CNNM1: variants seen among roughly 807,000 people sequenced by gnomAD.
CNNM1 encodes metal transporter CNNM1.
CNNM1 carries 44 observed loss-of-function variants against 78.8 expected under a neutral mutation model. The ratio of observed to expected loss-of-function variants is 0.56; its 90% CI spans 0.44 to 0.72. CNNM1 has a LOEUF of 0.72. Among genes scored for constraint, CNNM1 ranks in the 30% least tolerant of loss-of-function variants. The probability of loss-of-function intolerance (pLI) is 0.00; values close to 1 mark genes in which losing one functional copy is unlikely to be tolerated. For missense variants in CNNM1, 1,101 were observed against 1,292.2 expected (o/e 0.85, Z 2.27); for synonymous variants, 584 against 581.5 (o/e 1.00, Z -0.06).
chr10:99,329,869 A>C lies in CNNM1; in HGVS notation c.482A>C (p.Gln161Pro). Residue 161 changes from glutamine to proline, a missense_variant, in exon 1 of 11, where the codon CAG becomes CCG. Physicochemically the swap from Gln to Pro is moderately conservative, Grantham distance 76. Transcript: ENST00000356713. ...GGCGTGGCAGGCTCGGCCCTGGTCC[A>C]GGTGCGAGTGCGGGAGCTGCGCAAG... Reference protein sequence around the residue: ...PGGVAGSALVQVRVRELRKGE... With the variant: ...PGGVAGSALVPVRVRELRKGE... 7.1e-7 allele frequency: 1 copy of C among 1,400,018 alleles called. No homozygotes were observed. The highest frequency in any genetic ancestry group is 9.2e-7 in the Non-Finnish European group (1 of 1,084,782). The allele number at this position is 1,400,018 out of a possible 1,614,324, so 86.7% of individuals were successfully genotyped here.
intron 6 of CNNM1, among the ~76,000 whole-genome samples, chr10:99,376,150 A>G (rs766222802): frequency 6.6e-6 from 1 of 152,138 alleles, no homozygotes; most frequent in Non-Finnish European, 1.5e-5. Flanking sequence ...GTCCATCTAT[A>G]TGGGGCAAAG....
chr10:99,338,156 C>T (rs1359744126), intron 1 of CNNM1, among the ~76,000 whole-genome samples: 1 of 152,104 alleles, frequency 6.6e-6, no homozygotes, highest in Non-Finnish European at 1.5e-5. Flanking sequence ...CTTGAATTTA[C>T]AAGTCATGTC....
intron 6 of CNNM1, among the ~76,000 whole-genome samples, chr10:99,376,105 A>G (rs773176177): frequency 1.3e-5 from 2 of 152,190 alleles, no homozygotes; most frequent in Admixed American, 6.5e-5. Context: ...GACGGGGCCC[A>G]GCCCTAGACC....
rs201934146 is a variant in CNNM1, at chr10:99,365,041, G to A, written c.2176+39G>A. On this transcript the variant is annotated intron_variant, in intron 6 of 10. Transcript: ENST00000356713. The stretch of plus-strand genomic sequence containing the variant: ...AAACCCCTTCCTCGTCCTCCCCATC[G>A]TAGTCCTGCCTCAGCCCGCTCTGGG... 1,143 of 1,610,356 alleles carry A rather than the reference G, an allele frequency of 7.1e-4. 1 individual carries two copies. Among genetic ancestry groups the A allele is most frequent in the Admixed American group, 1.1e-3 (67 of 59,922 alleles).
intron 1 of CNNM1, among the ~76,000 whole-genome samples, chr10:99,331,968 C>T (rs1413530745): frequency 1.3e-5 from 2 of 152,200 alleles, no homozygotes; most frequent in African/African-American, 2.4e-5. Context: ...ATGTTTACTT[C>T]ATGTCTGAGT....
At chr10:99,379,300 A>G (rs2032067932) in intron 7 of CNNM1, among the ~76,000 whole-genome samples, 1 of 152,256 alleles carries the variant, frequency 6.6e-6, no homozygotes, top group Non-Finnish European at 1.5e-5. Context: ...ACAACCACAT[A>G]CATAACCTAG....
chr10:99,361,110 G>T, intron 3 of CNNM1, 135 bp downstream of exon 3: 1 of 1,015,818 alleles, frequency 9.8e-7, no homozygotes, highest in South Asian at 2.1e-5. Context: ...TAGGAAGGAG[G>T]TTGCCTTAGA....
At chr10:99,355,059 A>C (rs533156504) in intron 1 of CNNM1, among the ~76,000 whole-genome samples, 18 of 152,188 alleles carry the variant, frequency 1.2e-4, no homozygotes, top group Non-Finnish European at 2.5e-4. Context: ...TAGCTATCTT[A>C]TGATTTCAGA....
chr10:99,388,381 T>G, intron 9 of CNNM1, 80 bp downstream of exon 9: 1 of 1,510,190 alleles, frequency 6.6e-7, no homozygotes. Flanking sequence ...GAAAGCTGGC[T>G]GAGGGGAGCC....
intron 9 of CNNM1, 40 bp from the exon 10 acceptor site, chr10:99,390,266 T>C: frequency 7.0e-7 from 1 of 1,425,674 alleles, no homozygotes; most frequent in Non-Finnish European, 9.8e-7. Flanking sequence ...CCTGAGTGTG[T>C]AGGTTGAGAC....
chr10:99,357,428 C>G, intron 1 of CNNM1, 84 bp from the exon 2 acceptor site: 2 of 1,422,266 alleles, frequency 1.4e-6, no homozygotes, highest in Middle Eastern at 2.5e-4. Flanking sequence ...ATTGGTCAGA[C>G]AGCAACTTTG....
At position 99,357,630 on chromosome 10, in the gene CNNM1, G is replaced by T. The variant is rs372776463; in HGVS notation, c.1692G>T (p.Glu564Asp). 27 of 1,612,460 alleles carry T rather than the reference G, an allele frequency of 1.7e-5. No homozygotes were observed. The highest frequency in any genetic ancestry group is 2.1e-5 in the Non-Finnish European group (25 of 1,179,196). The change falls in exon 2 of 11, where the codon GAG becomes GAT. Residue 564 changes from glutamate (E) to aspartate (D), a missense_variant. Transcript: ENST00000356713. ...TCATAGAGGAGATTATCAAGTCGGAGATCCTGGATGAAACTGATCTCTACA... is the reference window on the plus strand; with the variant it reads ...TCATAGAGGAGATTATCAAGTCGGATATCCTGGATGAAACTGATCTCTACA... ...EDIIEEIIKS[E>D]ILDETDLYTD...
chr10:99,357,870 G>A (rs1413937372), intron 2 of CNNM1, among the ~76,000 whole-genome samples: 1 of 152,102 alleles, frequency 6.6e-6, no homozygotes, highest in Admixed American at 6.5e-5. Flanking sequence ...TTATCAGGAG[G>A]GAACCTTCAG....
In CNNM1 at chr10:99,391,435, A is replaced by G. The variant is rs1341951093; in HGVS notation, c.2777-2A>G. On this transcript the variant is annotated splice_acceptor_variant, in intron 10 of 10. Coordinates refer to ENST00000356713, the MANE Select transcript of CNNM1 (RefSeq NM_020348.3). LOFTEE classifies it high-confidence loss of function. Reference sequence around the variant, plus strand: ...CTGATACTTGCAACTTGTTTTTTTCAGGTGGCCAAAAAAGGAAGAGGTCAC... The same window carrying G: ...CTGATACTTGCAACTTGTTTTTTTCGGGTGGCCAAAAAAGGAAGAGGTCAC... 2 of 1,612,950 alleles carry G rather than the reference A, an allele frequency of 1.2e-6. No homozygotes were observed. Among genetic ancestry groups the G allele is most frequent in the South Asian group, 1.1e-5 (1 of 90,946 alleles).
At chr10:99,361,357 A>G (rs1339350534) in intron 3 of CNNM1, among the ~76,000 whole-genome samples, 1 of 152,242 alleles carries the variant, frequency 6.6e-6, no homozygotes, top group Non-Finnish European at 1.5e-5. Flanking sequence ...TTTAAAATAC[A>G]GAAGTGTATT....
chr10:99,356,138 G>A (rs2031134581), intron 1 of CNNM1, among the ~76,000 whole-genome samples: 2 of 152,160 alleles, frequency 1.3e-5, no homozygotes, highest in African/African-American at 4.8e-5. Context: ...CAGTGTCTGG[G>A]GCCACAGCTG....
rs142588795 is a variant in CNNM1 at position 99,348,040 on chromosome 10, A to G, written c.1574-9472A>G. 6.3e-4 allele frequency among the ~76,000 whole-genome samples: 43 copies of G among 68,136 alleles called. 1 individual carries two copies. Among genetic ancestry groups the G allele is most frequent in the East Asian group, 3.4e-3 (9 of 2,652 alleles). 44.7% of individuals were successfully genotyped at this position (68,136 alleles called of 152,430 possible). On this transcript the variant is annotated intron_variant, in intron 1 of 10. Coordinates refer to ENST00000356713, the MANE Select transcript of CNNM1 (RefSeq NM_020348.3). ...ATATGATGTGTGTGTGTGTGTGTGT[A>G]TATATATATATTTTTTTTTTTTGAG...
chr10:99,391,504 T>C lies in CNNM1; in HGVS notation c.2844T>C (p.Pro948=). The change falls in exon 11 of 11, where the codon CCT becomes CCC. Residue 948 remains proline (P), a synonymous_variant. Transcript: ENST00000356713. ...RTSEDNSNLT[P]LIT Reference sequence around the variant, plus strand: ...CTGAGGACAACTCCAATTTAACACCTCTGATCACATGACAGGGCAAAGCCA... The same window carrying C: ...CTGAGGACAACTCCAATTTAACACCCCTGATCACATGACAGGGCAAAGCCA... The C allele has an allele frequency of 1.2e-6, 2 of 1,613,742 alleles. No homozygotes were observed. Among genetic ancestry groups the C allele is most frequent in the African/African-American group, 2.7e-5 (2 of 75,026 alleles).
chr10:99,367,716 AATAAAACTGCAGAAGCAGTCTATTTCCAT>A (rs1249160229), intron 6 of CNNM1, among the ~76,000 whole-genome samples: 2 of 152,228 alleles, frequency 1.3e-5, no homozygotes, highest in Admixed American at 1.3e-4. Context: ...TGATGTAGCA[AATAAAACTGCAGAAGCAGTCTATTTCCAT>A]ATGCTATCAT....
Sources: allele counts gnomAD v4.1 joint callset (sites outside exome capture counted in the v4.1 genomes callset), GRCh38; gene constraint gnomAD v4.1.1; transcripts MANE v1.5; gene names NCBI Gene and HGNC (gene_info 2026-07-23, HGNC 2026-07-21).